Variants in CAPZB observed in about 807,000 individuals in gnomAD.
CAPZB encodes the protein F-actin-capping protein subunit beta.
A neutral mutation model predicts 38.1 loss-of-function variants in CAPZB; 2 were observed. The observed-to-expected ratio is 0.05, with a 90% confidence interval of 0.02 to 0.17. The LOEUF (loss-of-function observed/expected upper bound fraction) is 0.17, where lower values mean the gene tolerates loss of function less well. Among genes scored for constraint, CAPZB ranks in the 10% least tolerant of loss-of-function variants. The pLI is 1.00. For missense variants in CAPZB, 161 were observed against 334.2 expected (o/e 0.48, Z 4.04); for synonymous variants, 107 against 127.4 (o/e 0.84, Z 1.08).
chr1:19,443,706 A>G lies in CAPZB; in HGVS notation c.4-23956T>C, dbSNP rs142313988. On this transcript the variant is annotated intron_variant, in intron 1 of 8. Transcript: ENST00000264202. ...TGCCAGGCACTGTGTCAGGTACTTT[A>G]CAAACAAGGAAAGCAAGGCACAGAG... Among the ~76,000 whole-genome samples, 847 of 152,338 alleles carry G rather than the reference A, an allele frequency of 5.6e-3. 6 individuals are homozygous for G. The highest frequency in any genetic ancestry group is 6.0e-3 in the Non-Finnish European group (406 of 68,022).
At chr1:19,397,999 G>C (rs1220653582) in intron 2 of CAPZB, among the ~76,000 whole-genome samples, 4 of 152,152 alleles carry the variant, frequency 2.6e-5, no homozygotes, top group African/African-American at 9.7e-5. Context: ...GACACTGGTG[G>C]GGATGCCAGG....
At chr1:19,421,434 G>A (rs1371159184) in intron 1 of CAPZB, among the ~76,000 whole-genome samples, 1 of 152,184 alleles carries the variant, frequency 6.6e-6, no homozygotes, top group Non-Finnish European at 1.5e-5. Context: ...GCTCAAGATG[G>A]CTATCAGTGA....
At chr1:19,385,798 T>G (rs1570075801) in intron 2 of CAPZB, 172 bp from the exon 3 acceptor site, 1 of 792,712 alleles carries the variant, frequency 1.3e-6, no homozygotes, top group East Asian at 2.5e-5. Context: ...TGACACCAAC[T>G]GTGTCCCTCT....
rs193239733 is a variant in CAPZB, at chr1:19,468,101, T to A, written c.3+17335A>T. Reference sequence around the variant, plus strand: ...CTGGGTGACAGAGTGAGACCCCGCCTCCTAAAAAAGGGGGCTAGGCACTGA... The same window carrying A: ...CTGGGTGACAGAGTGAGACCCCGCCACCTAAAAAAGGGGGCTAGGCACTGA... On this transcript the variant is annotated intron_variant, in intron 1 of 8. Transcript: ENST00000264202. Among the ~76,000 whole-genome samples, 64 of 152,166 alleles carry A rather than the reference T, an allele frequency of 4.2e-4. 1 individual carries two copies. The East Asian group carries it at 0.01, about 24-fold the overall frequency.
At chr1:19,411,764 G>A (rs1284411557) in intron 2 of CAPZB, among the ~76,000 whole-genome samples, 2 of 152,218 alleles carry the variant, frequency 1.3e-5, no homozygotes, top group Non-Finnish European at 2.9e-5. Flanking sequence ...GAGCTGGTCA[G>A]GTAAGAGCAC....
intron 1 of CAPZB, among the ~76,000 whole-genome samples, chr1:19,429,906 G>A (rs1313908786): frequency 1.3e-5 from 2 of 152,112 alleles, no homozygotes; most frequent in African/African-American, 2.4e-5. Flanking sequence ...AAGCCACAAG[G>A]AGAAGAGAGG....
intron 1 of CAPZB, among the ~76,000 whole-genome samples, chr1:19,465,120 C>A (rs541915395): frequency 2.6e-5 from 4 of 152,144 alleles, no homozygotes; most frequent in Non-Finnish European, 5.9e-5. Context: ...AGACACTGGG[C>A]ATGTGAGAAG....
chr1:19,341,960 C>T (rs2093931719), intron 8 of CAPZB, among the ~76,000 whole-genome samples: 1 of 152,228 alleles, frequency 6.6e-6, no homozygotes, highest in Admixed American at 6.5e-5. Flanking sequence ...GGCAGGGTTC[C>T]AAATGCCTTC....
intron 1 of CAPZB, among the ~76,000 whole-genome samples, chr1:19,427,134 G>C (rs895791272): frequency 3.9e-5 from 6 of 152,198 alleles, no homozygotes; most frequent in African/African-American, 1.2e-4. Flanking sequence ...GAGTGTGTAC[G>C]TTTTGTGTGT....
At chr1:19,465,888 G>A (rs148976419) in intron 1 of CAPZB, among the ~76,000 whole-genome samples, 7 of 152,162 alleles carry the variant, frequency 4.6e-5, no homozygotes, top group South Asian at 4.1e-4. Context: ...CAACATGTAC[G>A]GAGCCCTATA....
chr1:19,391,498 C>T (rs1264593113), intron 2 of CAPZB, among the ~76,000 whole-genome samples: 1 of 152,234 alleles, frequency 6.6e-6, no homozygotes, highest in Non-Finnish European at 1.5e-5. Context: ...AATGCTGCAG[C>T]TGCCGACGTC....
intron 6 of CAPZB, among the ~76,000 whole-genome samples, chr1:19,345,627 G>A (rs974334756): frequency 3.3e-5 from 5 of 152,234 alleles, no homozygotes; most frequent in African/African-American, 7.2e-5. Flanking sequence ...CCAGGCCCAC[G>A]CTGGGCCATC....
chr1:19,352,793 AG>A (rs1362902710), intron 6 of CAPZB, among the ~76,000 whole-genome samples: 1 of 152,198 alleles, frequency 6.6e-6, no homozygotes, highest in Non-Finnish European at 1.5e-5. Flanking sequence ...TGGTGGTTGG[AG>A]GTGGGAGAAG....
chr1:19,432,181 A>G (rs1055986288), intron 1 of CAPZB, among the ~76,000 whole-genome samples: 1 of 151,992 alleles, frequency 6.6e-6, no homozygotes, highest in African/African-American at 2.4e-5. Context: ...ACTGGCTCAC[A>G]TTTGTAATCC....
intron 4 of CAPZB, among the ~76,000 whole-genome samples, chr1:19,369,257 C>T (rs1030636189): frequency 6.6e-6 from 1 of 152,216 alleles, no homozygotes; most frequent in Admixed American, 6.5e-5. Flanking sequence ...TGTCTAGATC[C>T]ACTCTTTAGG....
rs966003155 is a variant in CAPZB at position 19,346,469 on chromosome 1, A to C, written c.589-1217T>G. On this transcript the variant is annotated intron_variant, in intron 6 of 8. Coordinates refer to ENST00000264202, the MANE Select transcript of CAPZB (RefSeq NM_004930.5). Reference sequence around the variant, plus strand: ...AGAGAAGCTAAAAAAAAAAAAAAAAAAAAAAAAAAGAAAGGGTAGAGTTCA... The same window carrying C: ...AGAGAAGCTAAAAAAAAAAAAAAAACAAAAAAAAAGAAAGGGTAGAGTTCA... Among the ~76,000 whole-genome samples, 234 of 146,480 alleles carry C rather than the reference A, an allele frequency of 1.6e-3. 2 individuals carry two copies. Among genetic ancestry groups the C allele is most frequent in the African/African-American group, 5.7e-3 (228 of 39,874 alleles).
At chr1:19,366,728 C>A (rs537252787) in intron 4 of CAPZB, among the ~76,000 whole-genome samples, 18 of 152,132 alleles carry the variant, frequency 1.2e-4, no homozygotes, top group Admixed American at 7.2e-4. Context: ...AACTCCCAAG[C>A]TCCATGACTG....
Position 19,404,069 on chromosome 1 carries a change from C to T in CAPZB, c.93+15592G>A, listed in dbSNP as rs1237946150. Among the ~76,000 whole-genome samples the T allele has an allele frequency of 2.0e-5, 3 of 151,618 alleles. No homozygotes were observed. The South Asian group carries it at 6.2e-4, about 32-fold the overall frequency. Reference sequence around the variant, plus strand: ...CCAACATGGTGAAATCTCGTCTCTACTAAATATACAAAAATTAGCTGGCTA... The same window carrying T: ...CCAACATGGTGAAATCTCGTCTCTATTAAATATACAAAAATTAGCTGGCTA... On this transcript the variant is annotated intron_variant, in intron 2 of 8. Transcript: ENST00000264202.
intron 1 of CAPZB, among the ~76,000 whole-genome samples, chr1:19,483,896 G>T (rs866468046): frequency 2.0e-5 from 3 of 152,326 alleles, no homozygotes; most frequent in South Asian, 2.1e-4. Context: ...TCGTTCAGCA[G>T]CAACATCCCT....
Sources: gnomAD v4.1 joint callset for allele counts (sites outside exome capture counted in the v4.1 genomes callset) on GRCh38, gnomAD v4.1.1 for gene constraint, MANE v1.5 for transcripts, NCBI Gene and HGNC (gene_info 2026-07-23, HGNC 2026-07-21) for gene names.